NRG1: variants seen among roughly 807,000 people sequenced by gnomAD.
The protein encoded by NRG1 is pro-neuregulin-1, membrane-bound isoform.
In NRG1, 18 loss-of-function variants were observed where a neutral mutation model predicts 63.8. That is an observed-to-expected ratio of 0.28 (90% CI 0.19 to 0.42). The LOEUF (loss-of-function observed/expected upper bound fraction) is 0.42, where lower values mean the gene tolerates loss of function less well. Ranked by LOEUF, NRG1 falls within the 10% of genes least tolerant of loss-of-function variation. NRG1 has a pLI of 1.00. For missense variants in NRG1, 762 were observed against 814.7 expected (o/e 0.94, Z 0.79); for synonymous variants, 302 against 301.3 (o/e 1.00, Z -0.02).
chr8:32,484,231 G>T (rs1253971654), intron 1 of NRG1, among the ~76,000 whole-genome samples: 1 of 152,124 alleles, frequency 6.6e-6, no homozygotes, highest in Non-Finnish European at 1.5e-5. Flanking sequence ...AGAGGGAAAG[G>T]AATGAAGAAA....
At chr8:31,839,342 A>G (rs986144562) in intron 1 of NRG1, among the ~76,000 whole-genome samples, 1 of 152,206 alleles carries the variant, frequency 6.6e-6, no homozygotes, top group African/African-American at 2.4e-5. Flanking sequence ...CAAAGTGTCA[A>G]GTAATGATAG....
At chr8:32,378,823 T>A (rs974660502) in intron 1 of NRG1, among the ~76,000 whole-genome samples, 9 of 137,994 alleles carry the variant, frequency 6.5e-5, no homozygotes, top group African/African-American at 1.6e-4. Flanking sequence ...CCTGTATCCA[T>A]GTGTTCTCAT....
chr8:32,433,469 C>T (rs1185446114), intron 1 of NRG1, among the ~76,000 whole-genome samples: 1 of 152,040 alleles, frequency 6.6e-6, no homozygotes, highest in East Asian at 1.9e-4. Context: ...GGAACTTTTC[C>T]CTTTTGGGCT....
At chr8:32,529,044 T>C (rs1407865614) in intron 1 of NRG1, among the ~76,000 whole-genome samples, 1 of 152,242 alleles carries the variant, frequency 6.6e-6, no homozygotes, top group Non-Finnish European at 1.5e-5. Context: ...ATTCCCGTCA[T>C]TGTGTGAACA....
intron 1 of NRG1, among the ~76,000 whole-genome samples, chr8:32,349,688 T>C (rs778799821): frequency 2.0e-5 from 3 of 152,136 alleles, no homozygotes; most frequent in Non-Finnish European, 2.9e-5. Context: ...CAGGCAGCAA[T>C]TGGAGGTAGC....
At chr8:31,903,314 A>AT (rs372592426) in intron 1 of NRG1, among the ~76,000 whole-genome samples, 8 of 151,038 alleles carry the variant, frequency 5.3e-5, no homozygotes, top group East Asian at 2.0e-4. Flanking sequence ...ATGCCTGGCT[A>AT]TTTTTTTTGT....
chr8:32,103,376 A>T (rs944749207), intron 1 of NRG1, among the ~76,000 whole-genome samples: 3 of 152,206 alleles, frequency 2.0e-5, no homozygotes, highest in African/African-American at 7.2e-5. Flanking sequence ...CATTGTTTTC[A>T]TGAATAAATA....
chr8:32,396,878 T>C (rs957630180), intron 1 of NRG1, among the ~76,000 whole-genome samples: 11 of 152,350 alleles, frequency 7.2e-5, no homozygotes, highest in South Asian at 6.2e-4. Flanking sequence ...CTCAACAGAA[T>C]TGCCTTTAAT....
intron 1 of NRG1, among the ~76,000 whole-genome samples, chr8:31,926,400 G>T (rs1834360683): frequency 1.3e-5 from 2 of 151,806 alleles, no homozygotes; most frequent in Admixed American, 6.6e-5. Context: ...TCTGGATCTT[G>T]GTCTGTCAAG....
At chr8:32,406,718 T>C (rs987019781) in intron 1 of NRG1, among the ~76,000 whole-genome samples, 1 of 152,168 alleles carries the variant, frequency 6.6e-6, no homozygotes, top group Non-Finnish European at 1.5e-5. Flanking sequence ...TCGTCCTTTT[T>C]TTTTAAAGGC....
intron 5 of NRG1, among the ~76,000 whole-genome samples, chr8:32,687,792 T>C (rs1327156386): frequency 6.6e-6 from 1 of 152,252 alleles, no homozygotes; most frequent in Non-Finnish European, 1.5e-5. Context: ...TAAAGCTCTT[T>C]ATCCACGTGC....
chr8:32,302,313 T>C (rs1021676670), intron 1 of NRG1, among the ~76,000 whole-genome samples: 1 of 152,162 alleles, frequency 6.6e-6, no homozygotes, highest in Non-Finnish European at 1.5e-5. Context: ...AGTGAGGCAT[T>C]TGGTACTCCA....
intron 1 of NRG1, among the ~76,000 whole-genome samples, chr8:31,897,062 T>C (rs1167910022): frequency 6.6e-6 from 1 of 152,240 alleles, no homozygotes; most frequent in Non-Finnish European, 1.5e-5. Context: ...TCCATTATTA[T>C]TGTCTTCGTT....
intron 1 of NRG1, among the ~76,000 whole-genome samples, chr8:32,512,857 T>C (rs558539534): frequency 1.7e-4 from 26 of 152,354 alleles, no homozygotes; most frequent in African/African-American, 6.3e-4. Flanking sequence ...ATCTCTTTTG[T>C]AACTTGAAAA....
chr8:32,673,746 A>G (rs1170486295), intron 5 of NRG1, among the ~76,000 whole-genome samples: 2 of 152,178 alleles, frequency 1.3e-5, no homozygotes, highest in Non-Finnish European at 2.9e-5. Context: ...GCATTGCCCC[A>G]CATTTCTAAA....
chr8:31,919,537 A>T (rs1503489), intron 1 of NRG1, among the ~76,000 whole-genome samples: 99,111 of 151,842 alleles, frequency 0.65, 32,777 homozygotes, highest in East Asian at 0.92. Context: ...TAGGAAATAT[A>T]GTTTCAAATA....
intron 1 of NRG1, among the ~76,000 whole-genome samples, chr8:31,770,594 A>T (rs1343812730): frequency 6.6e-6 from 1 of 150,954 alleles, no homozygotes; most frequent in South Asian, 2.1e-4. Flanking sequence ...AGGAAGGGGA[A>T]CATCACACAC....
chr8:32,288,758 A>T (rs1853846720), intron 1 of NRG1, among the ~76,000 whole-genome samples: 1 of 152,164 alleles, frequency 6.6e-6, no homozygotes, highest in Admixed American at 6.5e-5. Context: ...GGGAGGTAAG[A>T]TTCTGGACAG....
chr8:32,084,685 T>C (rs1315689287), intron 1 of NRG1, among the ~76,000 whole-genome samples: 1 of 152,190 alleles, frequency 6.6e-6, no homozygotes, highest in Non-Finnish European at 1.5e-5. Flanking sequence ...CTATTCTCAG[T>C]AATTCCTGGT....
Sources: gnomAD v4.1 joint callset for allele counts (sites outside exome capture counted in the v4.1 genomes callset) on GRCh38, gnomAD v4.1.1 for gene constraint, MANE v1.5 for transcripts, NCBI Gene and HGNC (gene_info 2026-07-23, HGNC 2026-07-21) for gene names.